The following FAR1 variants were observed in gnomAD, a reference collection of about 807,000 sequenced individuals.
FAR1 encodes the protein fatty acyl-CoA reductase 1, also known as male sterility domain-containing protein 2.
A neutral mutation model predicts 61.1 loss-of-function variants in FAR1; 22 were observed. The ratio of observed to expected loss-of-function variants is 0.36; its 90% CI spans 0.26 to 0.51. FAR1 has a LOEUF of 0.51. Among genes scored for constraint, FAR1 ranks in the 20% least tolerant of loss-of-function variants. The probability of loss-of-function intolerance (pLI) is 0.95; values close to 1 mark genes in which losing one functional copy is unlikely to be tolerated. For synonymous variants in FAR1, 206 were observed against 209.7 expected, an observed-to-expected ratio of 0.98 and a Z score of 0.15; for missense variants, 359 against 626.9, an observed-to-expected ratio of 0.57 and a Z score of 4.56.
intron 1 of FAR1, among the ~76,000 whole-genome samples, chr11:13,689,589 T>C (rs998103730): frequency 2.6e-5 from 4 of 152,218 alleles, no homozygotes; most frequent in African/African-American, 4.8e-5. Flanking sequence ...AATGGTGCTG[T>C]TATAACCATA....
intron 3 of FAR1, among the ~76,000 whole-genome samples, chr11:13,703,557 A>G (rs1329836559): frequency 6.6e-6 from 1 of 152,270 alleles, no homozygotes. Context: ...CATATGGTCT[A>G]GAGGCGATAG....
intron 11 of FAR1, 66 bp from the exon 12 acceptor site, chr11:13,728,546 G>A (rs1390062961): frequency 2.2e-6 from 3 of 1,392,044 alleles, no homozygotes; most frequent in East Asian, 2.3e-5. Flanking sequence ...GTATTAATTA[G>A]CTGCCATCTA....
intron 1 of FAR1, among the ~76,000 whole-genome samples, chr11:13,683,738 T>A (rs1255355714): frequency 6.6e-6 from 1 of 152,042 alleles, no homozygotes; most frequent in African/African-American, 2.4e-5. Flanking sequence ...AAGAGCCAAT[T>A]TTAATAGAAA....
intron 3 of FAR1, among the ~76,000 whole-genome samples, chr11:13,706,619 G>C (rs1848435849): frequency 6.6e-6 from 1 of 151,720 alleles, no homozygotes; most frequent in Non-Finnish European, 1.5e-5. Flanking sequence ...TACTTTTTGT[G>C]GTGAGAATAC....
intron 2 of FAR1, among the ~76,000 whole-genome samples, chr11:13,697,775 A>G (rs1426809374): frequency 6.6e-6 from 1 of 152,138 alleles, no homozygotes; most frequent in African/African-American, 2.4e-5. Flanking sequence ...GGGTGTTAAA[A>G]AGTACTTTTT....
rs1004268705 is a variant in FAR1, at chr11:13,731,490, T to C, written c.*2716T>C. ...AAAAAGTAATAAATGAATCCCTATA[T>C]TTCCATTATAGTATTTATTGTATTT... On this transcript the variant is annotated 3_prime_UTR_variant, in exon 12 of 12. Coordinates refer to ENST00000354817, the MANE Select transcript of FAR1 (RefSeq NM_032228.6). 1 of 152,612 alleles carries C rather than the reference T, an allele frequency of 6.6e-6. No individual in the cohort carries two copies. Among genetic ancestry groups the C allele is most frequent in the Non-Finnish European group, 1.5e-5 (1 of 68,028 alleles). 9.5% of individuals were successfully genotyped at this position (152,612 alleles called of 1,614,324 possible).
chr11:13,710,989 T>C lies in FAR1; in HGVS notation c.723+119T>C, dbSNP rs893159647. 31 of 831,672 alleles carry C rather than the reference T, an allele frequency of 3.7e-5. No individual in the cohort carries two copies. In the African/African-American group the frequency reaches 5.3e-4, roughly 14 times the overall value. The allele number at this position is 831,672 out of a possible 1,614,324, so 51.5% of individuals were successfully genotyped here. On this transcript the variant is annotated intron_variant, in intron 5 of 11. Coordinates refer to ENST00000354817, the MANE Select transcript of FAR1 (RefSeq NM_032228.6). ...ATTATTTACTAAAGGTGAATTACCA[T>C]GGCAAAGCTGTTTTGTGTTCATAGA... is the stretch of plus-strand genomic sequence containing the variant.
chr11:13,682,012 A>T (rs139317865), intron 1 of FAR1, among the ~76,000 whole-genome samples: 1 of 152,338 alleles, frequency 6.6e-6, no homozygotes, highest in East Asian at 1.9e-4. Context: ...GCAAAATAAT[A>T]CAACCCAAGC....
intron 1 of FAR1, among the ~76,000 whole-genome samples, chr11:13,694,306 C>T (rs1043224532): frequency 2.6e-5 from 4 of 151,978 alleles, no homozygotes; most frequent in South Asian, 2.1e-4. Flanking sequence ...TGTTGATACG[C>T]GAATATGACA....
At chr11:13,681,551 A>T (rs1249777050) in intron 1 of FAR1, among the ~76,000 whole-genome samples, 3 of 152,218 alleles carry the variant, frequency 2.0e-5, no homozygotes, top group African/African-American at 7.2e-5. Flanking sequence ...GCTAGGTCAG[A>T]AAAGGTGAGA....
At chr11:13,728,198 A>G (rs1030804425) in intron 11 of FAR1, among the ~76,000 whole-genome samples, 1 of 151,816 alleles carries the variant, frequency 6.6e-6, no homozygotes, top group Non-Finnish European at 1.5e-5. Context: ...AGAGTAACAT[A>G]TTGTTACTCT....
intron 1 of FAR1, among the ~76,000 whole-genome samples, chr11:13,689,823 A>C (rs1402992057): frequency 6.6e-6 from 1 of 150,614 alleles, no homozygotes; most frequent in Non-Finnish European, 1.5e-5. Context: ...AGGGGTTTTA[A>C]CTTGATAACT....
chr11:13,672,701 C>T (rs781153354), intron 1 of FAR1, among the ~76,000 whole-genome samples: 10 of 152,250 alleles, frequency 6.6e-5, no homozygotes, highest in Admixed American at 1.3e-4. Context: ...TAAGAGCCAC[C>T]TTGGTAGGTG....
intron 10 of FAR1, among the ~76,000 whole-genome samples, chr11:13,725,335 C>T (rs1463892970): frequency 6.6e-6 from 1 of 151,748 alleles, no homozygotes; most frequent in African/African-American, 2.4e-5. Context: ...TAACACTTGG[C>T]CTTTTAATTT....
chr11:13,698,826 G>A (rs533624740), intron 2 of FAR1, among the ~76,000 whole-genome samples: 25 of 148,366 alleles, frequency 1.7e-4, no homozygotes, highest in African/African-American at 4.7e-4. Flanking sequence ...GCAAGACTCC[G>A]TCTCAAAAAA....
intron 9 of FAR1, among the ~76,000 whole-genome samples, chr11:13,715,126 T>C (rs1385240824): frequency 2.0e-5 from 3 of 152,178 alleles, no homozygotes; most frequent in Non-Finnish European, 4.4e-5. Context: ...TGCACTCATG[T>C]TGACAGGTCA....
At position 13,731,147 on chromosome 11, in the gene FAR1, C is replaced by T. The variant is rs1366283162; in HGVS notation, c.*2373C>T. Reference sequence around the variant, plus strand: ...GTTTTTCCCCCTATTCAGTTTTAATCTTGGAATATGCATTTGTAAATTGTG... The same window carrying T: ...GTTTTTCCCCCTATTCAGTTTTAATTTTGGAATATGCATTTGTAAATTGTG... On this transcript the variant is annotated 3_prime_UTR_variant, in exon 12 of 12. Transcript: ENST00000354817. The T allele has an allele frequency of 1.3e-5, 2 of 152,414 alleles. No homozygotes were observed. The highest frequency in any genetic ancestry group is 3.9e-4 in the East Asian group (2 of 5,188). The allele number at this position is 152,414 out of a possible 1,614,324, so 9.4% of individuals were successfully genotyped here. A position where few individuals can be genotyped will look rare whatever the true frequency, so the allele number is the denominator to read the frequency against.
rs779466538 is a variant in FAR1 at position 13,694,915 on chromosome 11, G to C, written c.150G>C (p.Gln50His). ...TTTTGGTGAGGCAGAAAGCTGGACA[G>C]ACACCACAAGAGCGAGTGGAAGAAG... ...VYVLVRQKAG[Q>H]TPQERVEEVL... is the part of the protein sequence containing the mutation. Residue 50 changes from glutamine (Q) to histidine (H), a missense_variant, in exon 2 of 12, where the codon CAG becomes CAC. This residue lies in a region of FAR1 where 344 missense variants were observed against 570.3 expected (regional missense o/e 0.60). Coordinates refer to ENST00000354817, the MANE Select transcript of FAR1 (RefSeq NM_032228.6). 5 of 1,613,804 alleles carry C rather than the reference G, an allele frequency of 3.1e-6. No homozygotes were observed. The East Asian group carries it at 6.7e-5, about 22-fold the overall frequency.
intron 1 of FAR1, among the ~76,000 whole-genome samples, chr11:13,682,428 A>T (rs909830575): frequency 2.0e-5 from 3 of 152,176 alleles, no homozygotes; most frequent in Non-Finnish European, 4.4e-5. Flanking sequence ...GAACACAGCC[A>T]CACCCATTCA....
Sources: allele counts gnomAD v4.1 joint callset (sites outside exome capture counted in the v4.1 genomes callset), GRCh38; gene constraint gnomAD v4.1.1; regional missense constraint gnomAD v4.1.1; transcripts MANE v1.5; gene names NCBI Gene and HGNC (gene_info 2026-07-23, HGNC 2026-07-21).